EVC: variants seen among roughly 807,000 people sequenced by gnomAD.
The protein encoded by EVC is EvC ciliary complex subunit 1.
EVC carries 116 observed loss-of-function variants against 118.9 expected under a neutral mutation model. The observed-to-expected ratio is 0.98, with a 90% CI of 0.84 to 1.14. The LOEUF is 1.14. Ranked by LOEUF, EVC falls within the 50% of genes most tolerant of loss-of-function variation. EVC has a pLI of 0.00. For missense variants in EVC, 1,401 were observed against 1,246.4 expected (o/e 1.12, Z -1.87); for synonymous variants, 619 against 534.7 (o/e 1.16, Z -2.18).
intron 1 of EVC, among the ~76,000 whole-genome samples, chr4:5,713,609 G>T (rs1202494614): frequency 6.6e-6 from 1 of 150,754 alleles, no homozygotes; most frequent in Non-Finnish European, 1.5e-5. Context: ...CCTGGGAGGC[G>T]GAGGTTGCAG....
At chr4:5,723,647 C>T (rs1479291551) in intron 2 of EVC, among the ~76,000 whole-genome samples, 3 of 152,042 alleles carry the variant, frequency 2.0e-5, no homozygotes, top group African/African-American at 7.2e-5. Context: ...GGCCCTTTTG[C>T]TTTTGTATCT....
chr4:5,750,235 T>C lies in EVC; in HGVS notation c.1098+1929T>C, dbSNP rs536806755. ...CCCTTTGAATTGGATTTCAGTTTGA[T>C]AAGGCTGCTGACTCATTAATGCTCT... On this transcript the variant is annotated intron_variant, in intron 8 of 20. Transcript: ENST00000264956. Among the ~76,000 whole-genome samples the C allele has an allele frequency of 2.0e-5, 3 of 152,306 alleles. No homozygotes were observed. In the East Asian group the frequency reaches 5.8e-4, roughly 29 times the overall value.
chr4:5,828,175 G>A, the EVC span: 1 of 985,426 alleles, frequency 1.0e-6, no homozygotes, highest in African/African-American at 1.7e-5. Flanking sequence ...TGGGTGGGCA[G>A]GATTACTTAA....
chr4:5,801,984 A>T lies in EVC; in HGVS notation c.2339A>T (p.Tyr780Phe). The change falls in exon 16 of 21, where the codon TAC (tyrosine) becomes TTC (phenylalanine). Residue 780 changes from tyrosine (Y) to phenylalanine (F), a missense_variant. Tyr to Phe is a conservative substitution (Grantham distance 22). Transcript: ENST00000264956. ...ATGGAGGCGGCAGTGGAGAGCGTCT[A>T]CGTGACCAGCGCTGGTGTCAGCCGC... ...TLMEAAVESV[Y>F]VTSAGVSRLV... is the part of the protein sequence containing the mutation. 2 of 1,614,028 alleles carry T rather than the reference A, an allele frequency of 1.2e-6. No individual in the cohort carries two copies. The highest frequency in any genetic ancestry group is 8.5e-7 in the Non-Finnish European group (1 of 1,180,026).
chr4:5,825,644 C>G, the EVC span: 3 of 1,612,024 alleles, frequency 1.9e-6, no homozygotes, highest in African/African-American at 4.0e-5. The surrounding 1 kb of genome is among the most constrained non-coding windows in gnomAD (Gnocchi z 4.4). Context: ...CTGGAAACCC[C>G]TTGCAATCCA....
chr4:5,750,702 C>T (rs899701084), intron 8 of EVC, among the ~76,000 whole-genome samples: 3 of 152,098 alleles, frequency 2.0e-5, no homozygotes, highest in African/African-American at 4.8e-5. Context: ...GAGCAGAGCC[C>T]GGCACGTAGG....
chr4:5,787,571 G>A (rs1178744078), intron 12 of EVC, among the ~76,000 whole-genome samples: 1 of 152,170 alleles, frequency 6.6e-6, no homozygotes, highest in African/African-American at 2.4e-5. Flanking sequence ...CCCTCGGGGA[G>A]GAGTGCAGAC....
In EVC at chr4:5,745,280, A is replaced by G. The variant is rs1252316234; in HGVS notation, c.878A>G (p.Tyr293Cys). 4.3e-6 allele frequency: 7 copies of G among 1,613,992 alleles called. No individual in the cohort carries two copies. In the East Asian group the frequency reaches 8.9e-5, roughly 21 times the overall value. Residue 293 changes from tyrosine (Y) to cysteine (C), a missense_variant, in exon 7 of 21, where the codon TAC becomes TGC. Coordinates refer to ENST00000264956, the MANE Select transcript of EVC (RefSeq NM_153717.3). Reference protein sequence around the residue: ...TEMSGAGDSEYITLADVEKKE... With the variant: ...TEMSGAGDSECITLADVEKKE... ...ATGTCGGGGGCTGGTGACTCTGAGT[A>G]CATCACCCTGGCTGATGTGGAAAAG...
chr4:5,713,054 C>A (rs542716574), intron 1 of EVC, among the ~76,000 whole-genome samples: 1 of 152,328 alleles, frequency 6.6e-6, no homozygotes, highest in South Asian at 2.1e-4. Context: ...CCTTAAGTAT[C>A]TGCTACCTGG....
intron 11 of EVC, among the ~76,000 whole-genome samples, chr4:5,764,036 G>A (rs1382600671): frequency 6.7e-6 from 1 of 148,542 alleles, no homozygotes; most frequent in African/African-American, 2.5e-5. Context: ...TTGGCTGGGG[G>A]TTTGTCATAG....
the EVC span, chr4:5,828,782 T>C: frequency 9.3e-6 from 12 of 1,287,428 alleles, no homozygotes; most frequent in African/African-American, 1.1e-4. Context: ...TGTTTTTTTT[T>C]CTCTCTAAAA....
intron 11 of EVC, among the ~76,000 whole-genome samples, chr4:5,765,868 C>G (rs1732788108): frequency 6.7e-6 from 1 of 149,966 alleles, no homozygotes; most frequent in African/African-American, 2.5e-5. Flanking sequence ...GTTTGCCAGT[C>G]TGTGTCTTTT....
At chr4:5,825,671 A>G in the EVC span, 16 of 1,612,188 alleles carry the variant, frequency 9.9e-6, no homozygotes, top group Non-Finnish European at 1.3e-5. The surrounding 1 kb of genome is among the most constrained non-coding windows in gnomAD (Gnocchi z 4.4). Flanking sequence ...TAAACAGAGG[A>G]AGGGAGAGTG....
At chr4:5,750,634 C>G (rs1179976068) in intron 8 of EVC, among the ~76,000 whole-genome samples, 14 of 152,166 alleles carry the variant, frequency 9.2e-5, no homozygotes, top group Admixed American at 6.5e-4. Flanking sequence ...ATGATAGCAC[C>G]TGCTCTCTCA....
At chr4:5,815,454 T>C (rs1243160558), downstream of EVC, among the ~76,000 whole-genome samples, 7 of 152,212 alleles carry the variant, frequency 4.6e-5, no homozygotes, top group East Asian at 3.9e-4. Flanking sequence ...CACACCCTCA[T>C]AGGGAGACGG....
intron 5 of EVC, among the ~76,000 whole-genome samples, chr4:5,735,292 C>T (rs1560303150): frequency 6.6e-6 from 1 of 152,192 alleles, no homozygotes; most frequent in South Asian, 2.1e-4. Context: ...GTCAGGCTTC[C>T]CTGTGGGGAG....
At position 5,738,676 on chromosome 4, in the gene EVC, C is replaced by T. The variant is rs950925808; in HGVS notation, c.703-3040C>T. Among the ~76,000 whole-genome samples the T allele has an allele frequency of 2.6e-5, 4 of 151,922 alleles. No homozygotes were observed. Among genetic ancestry groups the T allele is most frequent in the African/African-American group, 7.3e-5 (3 of 41,352 alleles). Reference sequence around the variant, plus strand: ...TTGCCTCCCAGATTCAAGTGATTCTCCCGCCTCAGCCTCCCGAGCAGCTGG... The same window carrying T: ...TTGCCTCCCAGATTCAAGTGATTCTTCCGCCTCAGCCTCCCGAGCAGCTGG... On this transcript the variant is annotated intron_variant, in intron 5 of 20. Coordinates refer to ENST00000264956, the MANE Select transcript of EVC (RefSeq NM_153717.3). This position sits in a 1 kb window ranked among gnomAD's most constrained non-coding sequence, Gnocchi z 6.5.
chr4:5,769,957 A>G (rs569315581), intron 11 of EVC, among the ~76,000 whole-genome samples: 1 of 152,056 alleles, frequency 6.6e-6, no homozygotes, highest in South Asian at 2.1e-4. Context: ...TCTTTAACTC[A>G]CCAGAAGGAC....
Position 5,798,889 on chromosome 4 carries a change from CT to C in EVC, c.2304+99del. 7.5e-7 allele frequency: 1 copy of C among 1,326,802 alleles called. No homozygotes were observed. The highest frequency in any genetic ancestry group is 1.1e-6 in the Non-Finnish European group (1 of 943,458). The allele number at this position is 1,326,802 out of a possible 1,614,324, so 82.2% of individuals were successfully genotyped here. A position where few individuals can be genotyped will look rare whatever the true frequency, so the allele number is the denominator to read the frequency against. On this transcript the variant is annotated intron_variant, in intron 15 of 20. Coordinates refer to ENST00000264956, the MANE Select transcript of EVC (RefSeq NM_153717.3). The surrounding 1 kb of genome is among the most constrained non-coding windows in gnomAD (Gnocchi z 4.1). ...GCTCCTTGCCACACCGTTCATGGAG[CT>C]TGTGGCCTAGTAGACTTTGCCTGAC...
Sources: gnomAD v4.1 joint callset for allele counts (sites outside exome capture counted in the v4.1 genomes callset) on GRCh38, gnomAD v4.1.1 for gene constraint, Gnocchi (gnomAD v3.1) non-coding constraint, MANE v1.5 for transcripts, NCBI Gene and HGNC (gene_info 2026-07-23, HGNC 2026-07-21) for gene names.